Variants in KALRN observed in about 807,000 individuals in gnomAD.
The protein encoded by KALRN is kalirin.
KALRN carries 70 observed loss-of-function variants against 353.7 expected under a neutral mutation model. That is an observed-to-expected ratio of 0.20 (90% CI 0.16 to 0.24). KALRN has a LOEUF of 0.24. Among genes scored for constraint, KALRN ranks in the 10% least tolerant of loss-of-function variants. The probability of loss-of-function intolerance (pLI) is 1.00; values close to 1 mark genes in which losing one functional copy is unlikely to be tolerated. For synonymous variants in KALRN, 1,391 were observed against 1,434.8 expected, an observed-to-expected ratio of 0.97 and a Z score of 0.69; for missense variants, 2,791 against 3,756.7, an observed-to-expected ratio of 0.74 and a Z score of 6.72.
intron 21 of KALRN, among the ~76,000 whole-genome samples, chr3:124,450,965 C>A (rs530026029): frequency 6.6e-6 from 1 of 152,098 alleles, no homozygotes; most frequent in African/African-American, 2.4e-5. Flanking sequence ...CTGAATGAAT[C>A]AGAAGATGTA....
At chr3:124,319,950 T>G (rs2079156598) in intron 6 of KALRN, among the ~76,000 whole-genome samples, 1 of 152,036 alleles carries the variant, frequency 6.6e-6, no homozygotes, top group African/African-American at 2.4e-5. Context: ...GCCAAGATTG[T>G]GCTACTACAC....
chr3:124,678,978 GCCAATGGA>G (rs141809408), intron 50 of KALRN, among the ~76,000 whole-genome samples: 91,748 of 148,692 alleles, frequency 0.62, 28,199 homozygotes, highest in African/African-American at 0.74. Flanking sequence ...GGAAAGATCT[GCCAATGGA>G]CCAATGGACA....
At chr3:124,251,870 G>T (rs2071223500) in intron 3 of KALRN, among the ~76,000 whole-genome samples, 1 of 152,170 alleles carries the variant, frequency 6.6e-6, no homozygotes, top group Admixed American at 6.5e-5. Context: ...GCCTGGAAGA[G>T]AAAAAGAGAA....
intron 9 of KALRN, among the ~76,000 whole-genome samples, chr3:124,343,215 T>G (rs1390895207): frequency 1.3e-5 from 2 of 152,226 alleles, no homozygotes; most frequent in African/African-American, 4.8e-5. Context: ...CAGGCTGGAA[T>G]GGTGATATCA....
intron 10 of KALRN, among the ~76,000 whole-genome samples, chr3:124,382,258 C>A (rs559164741): frequency 7.2e-5 from 11 of 152,214 alleles, no homozygotes; most frequent in African/African-American, 1.7e-4. Flanking sequence ...TAATTAGCTA[C>A]TATTATTCTG....
intron 10 of KALRN, among the ~76,000 whole-genome samples, chr3:124,380,961 C>T (rs1200016087): frequency 1.3e-5 from 2 of 152,076 alleles, no homozygotes; most frequent in Non-Finnish European, 2.9e-5. Context: ...CATTCATTTA[C>T]TAAATATCTA....
chr3:124,699,512 A>G (rs2062216924), intron 55 of KALRN, among the ~76,000 whole-genome samples: 1 of 152,232 alleles, frequency 6.6e-6, no homozygotes, highest in Admixed American at 6.5e-5. Flanking sequence ...TTCCAAATGC[A>G]TATTTTCTCT....
rs961690025 is a variant in KALRN at position 124,615,812 on chromosome 3, CG to C, written c.5183-16605del. On this transcript the variant is annotated intron_variant, in intron 34 of 59. Coordinates refer to ENST00000682506, the MANE Select transcript of KALRN (RefSeq NM_001388419.1). ...GAGGAGAACCACAGAGAGACTTTTG[CG>C]GGAAGAGCACAGACTTGGAAAGTGT... 1.3e-4 allele frequency among the ~76,000 whole-genome samples: 20 copies of C among 152,128 alleles called. No individual in the cohort carries two copies. The South Asian group carries it at 4.0e-3, about 30-fold the overall frequency.
chr3:124,359,971 G>C (rs1393725947), intron 10 of KALRN, among the ~76,000 whole-genome samples: 1 of 152,232 alleles, frequency 6.6e-6, no homozygotes, highest in Non-Finnish European at 1.5e-5. Context: ...ACATCATCAA[G>C]CGTTAAGTGT....
At chr3:124,581,042 A>G (rs2074582993) in intron 34 of KALRN, among the ~76,000 whole-genome samples, 1 of 152,132 alleles carries the variant, frequency 6.6e-6, no homozygotes, top group South Asian at 2.1e-4. Context: ...GCATGTAAGG[A>G]TGGCAATGGG....
chr3:124,090,545 A>G (rs2061055449), intron 1 of KALRN, among the ~76,000 whole-genome samples: 2 of 152,206 alleles, frequency 1.3e-5, no homozygotes, highest in Admixed American at 1.3e-4. Context: ...TCACCCCTCC[A>G]TGTGGGGCCC....
At chr3:124,607,706 T>TC (rs2077495003) in intron 34 of KALRN, among the ~76,000 whole-genome samples, 1 of 152,104 alleles carries the variant, frequency 6.6e-6, no homozygotes, top group Non-Finnish European at 1.5e-5. Context: ...AACCTCCACC[T>TC]CCTAGGTTCA....
At chr3:124,497,424 T>C (rs2063981425) in intron 33 of KALRN, among the ~76,000 whole-genome samples, 1 of 152,206 alleles carries the variant, frequency 6.6e-6, no homozygotes, top group South Asian at 2.1e-4. Flanking sequence ...ATGATCTGCA[T>C]TCATTAGGAT....
chr3:124,159,177 C>T (rs921656334), intron 1 of KALRN, among the ~76,000 whole-genome samples: 1 of 152,226 alleles, frequency 6.6e-6, no homozygotes, highest in Non-Finnish European at 1.5e-5. Flanking sequence ...CACCTCCCTC[C>T]ATCTGCTCAA....
At chr3:124,204,447 T>C (rs2076229388) in intron 1 of KALRN, among the ~76,000 whole-genome samples, 1 of 152,240 alleles carries the variant, frequency 6.6e-6, no homozygotes, top group Admixed American at 6.5e-5. Flanking sequence ...ATGTGGAGTG[T>C]TTACTTTAAA....
At chr3:124,060,307 G>A (rs2041895857) in intron 1 of KALRN, among the ~76,000 whole-genome samples, 1 of 152,088 alleles carries the variant, frequency 6.6e-6, no homozygotes, top group Non-Finnish European at 1.5e-5. Flanking sequence ...TAATTTGCTG[G>A]GCCCAGGTCA....
chr3:124,215,992 G>T lies in KALRN; in HGVS notation c.74-11998G>T, dbSNP rs80238096. Among the ~76,000 whole-genome samples the T allele has an allele frequency of 9.1e-4, 139 of 152,280 alleles. No homozygotes were observed. The East Asian group carries it at 0.015, about 16-fold the overall frequency. Reference sequence around the variant, plus strand: ...GGGGTCAAGTTGTCATCCCTCCAATGGCGGGGGTGTCATAAGTTTGGAAGG... The same window carrying T: ...GGGGTCAAGTTGTCATCCCTCCAATTGCGGGGGTGTCATAAGTTTGGAAGG... On this transcript the variant is annotated intron_variant, in intron 1 of 59. Transcript: ENST00000682506.
intron 9 of KALRN, among the ~76,000 whole-genome samples, chr3:124,335,041 C>T (rs1475649850): frequency 1.3e-5 from 2 of 152,258 alleles, no homozygotes; most frequent in East Asian, 1.9e-4. Context: ...GTGACCCGCC[C>T]GCCTCGGCCT....
At position 124,438,907 on chromosome 3, in the gene KALRN, G is replaced by A; in HGVS notation, c.3068G>A (p.Ser1023Asn). The stretch of plus-strand genomic sequence containing the variant: ...CACTAGGTGTGTAGTGTCCTGGAGA[G>A]CTTAGAGCAAGAATACCGGAGAGAT... ...TSEQVCSVLE[S>N]LEQEYRRDED... Residue 1023 changes from serine (S) to asparagine (N), a missense_variant, in exon 18 of 60, where the codon AGC (serine) becomes AAC (asparagine). By Grantham distance (46) the Ser-to-Asn change is conservative (BLOSUM62 1). Coordinates refer to ENST00000682506, the MANE Select transcript of KALRN (RefSeq NM_001388419.1). The A allele has an allele frequency of 6.2e-7, 1 of 1,614,042 alleles. No homozygotes were observed. The highest frequency in any genetic ancestry group is 8.5e-7 in the Non-Finnish European group (1 of 1,179,972).
Sources: gnomAD v4.1 joint callset for allele counts (sites outside exome capture counted in the v4.1 genomes callset) on GRCh38, gnomAD v4.1.1 for gene constraint, MANE v1.5 for transcripts, NCBI Gene and HGNC (gene_info 2026-07-23, HGNC 2026-07-21) for gene names.